The following KAT6B variants were observed in gnomAD, a reference collection of about 807,000 sequenced individuals.
KAT6B encodes the protein lysine acetyltransferase 6B.
KAT6B carries 10 observed loss-of-function variants against 187.5 expected under a neutral mutation model. The ratio of observed to expected loss-of-function variants is 0.05; its 90% confidence interval spans 0.03 to 0.09. The LOEUF (loss-of-function observed/expected upper bound fraction) is 0.09. Ranked by LOEUF, KAT6B falls within the 10% of genes least tolerant of loss-of-function variation. The pLI is 1.00. For synonymous variants in KAT6B, 861 were observed against 926.8 expected, an observed-to-expected ratio of 0.93 and a Z score of 1.29; for missense variants, 1,952 against 2,558.9, an observed-to-expected ratio of 0.76 and a Z score of 5.12.
intron 3 of KAT6B, among the ~76,000 whole-genome samples, chr10:74,890,040 AT>A (rs36105581): frequency 0.092 from 13,282 of 143,732 alleles, 747 homozygotes; most frequent in South Asian, 0.28. Flanking sequence ...TGGACATGTA[AT>A]TTTTTTTTTT....
chr10:74,917,454 A>G (rs963127048), intron 3 of KAT6B, among the ~76,000 whole-genome samples: 4 of 152,192 alleles, frequency 2.6e-5, no homozygotes, highest in African/African-American at 7.2e-5. Context: ...TATTTCCTGC[A>G]ATCTATTAAA....
chr10:74,933,470 A>C (rs757553251), intron 3 of KAT6B, among the ~76,000 whole-genome samples: 2 of 152,222 alleles, frequency 1.3e-5, no homozygotes, highest in African/African-American at 4.8e-5. Context: ...ATAGATGTTC[A>C]GTATTGATTA....
In KAT6B at chr10:75,004,914, T is replaced by C. The variant is rs559417879; in HGVS notation, c.2630-15668T>C. 1.2e-3 allele frequency among the ~76,000 whole-genome samples: 186 copies of C among 152,096 alleles called. No individual in the cohort carries two copies. The South Asian group carries it at 0.016, about 13-fold the overall frequency. On this transcript the variant is annotated intron_variant, in intron 13 of 17. Transcript: ENST00000287239. ...GGGTCAGCTAGAGACAGGCTCTTGC[T>C]TTGTTGCCCAGGCTGGTTTCCAACT...
intron 13 of KAT6B, among the ~76,000 whole-genome samples, chr10:75,016,392 G>C (rs1281994293): frequency 6.6e-6 from 1 of 152,238 alleles, no homozygotes; most frequent in Non-Finnish European, 1.5e-5. Context: ...CCTTTAAGCA[G>C]ACATCTTGAC....
intron 3 of KAT6B, among the ~76,000 whole-genome samples, chr10:74,954,581 G>A (rs1840542277): frequency 6.6e-6 from 1 of 152,092 alleles, no homozygotes; most frequent in African/African-American, 2.4e-5. Flanking sequence ...CCACAAGAAC[G>A]AATCTAACCC....
At chr10:74,990,124 G>A (rs1843035133) in intron 13 of KAT6B, among the ~76,000 whole-genome samples, 1 of 148,476 alleles carries the variant, frequency 6.7e-6, no homozygotes, top group Non-Finnish European at 1.5e-5. Context: ...GAACCCGGGA[G>A]GTGGAGGTTG....
intron 3 of KAT6B, among the ~76,000 whole-genome samples, chr10:74,941,950 G>T (rs1460460095): frequency 6.6e-6 from 1 of 152,028 alleles, no homozygotes; most frequent in Admixed American, 6.6e-5. Flanking sequence ...AAGAGTTCAA[G>T]ACCAGCCTGG....
intron 3 of KAT6B, among the ~76,000 whole-genome samples, chr10:74,917,694 C>T (rs574834922): frequency 1.4e-4 from 22 of 152,328 alleles, no homozygotes; most frequent in Middle Eastern, 3.4e-3. Context: ...GAGTTGCTGA[C>T]TCACTGAATA....
intron 3 of KAT6B, among the ~76,000 whole-genome samples, chr10:74,879,291 C>CT (rs1844676363): frequency 6.6e-6 from 1 of 152,148 alleles, no homozygotes; most frequent in South Asian, 2.1e-4. Context: ...GGTTGTAGGA[C>CT]TTTGAGTGCT....
intron 3 of KAT6B, among the ~76,000 whole-genome samples, chr10:74,933,012 A>G (rs575074204): frequency 6.6e-6 from 1 of 152,342 alleles, no homozygotes; most frequent in Non-Finnish European, 1.5e-5. Flanking sequence ...CTTTCTGCAT[A>G]CACACCATTT....
intron 3 of KAT6B, among the ~76,000 whole-genome samples, chr10:74,915,348 C>G (rs1417451207): frequency 6.6e-6 from 1 of 152,122 alleles, no homozygotes; most frequent in Non-Finnish European, 1.5e-5. Flanking sequence ...ATGCCATGTT[C>G]CATGCACTTG....
intron 15 of KAT6B, 151 bp downstream of exon 15, chr10:75,021,436 C>T (rs1272995756): frequency 2.9e-6 from 2 of 698,628 alleles, no homozygotes; most frequent in African/African-American, 3.6e-5. Context: ...ACTGAGGTTG[C>T]ATGGTAAGAC....
At chr10:74,940,023 T>TTG (rs143636269) in intron 3 of KAT6B, among the ~76,000 whole-genome samples, 1,600 of 151,910 alleles carry the variant, frequency 0.011, 29 homozygotes, top group African/African-American at 0.037. Context: ...AAGGTGTTAT[T>TTG]TGTGTGTGTG....
intron 3 of KAT6B, among the ~76,000 whole-genome samples, chr10:74,924,419 T>G (rs1447585963): frequency 6.6e-6 from 1 of 152,202 alleles, no homozygotes; most frequent in East Asian, 1.9e-4. Flanking sequence ...ACTAATTGGG[T>G]TAGAGGTTAA....
At chr10:74,926,674 C>T (rs1436044120) in intron 3 of KAT6B, among the ~76,000 whole-genome samples, 1 of 152,192 alleles carries the variant, frequency 6.6e-6, no homozygotes, top group Non-Finnish European at 1.5e-5. Context: ...ACCTTGTTCC[C>T]TCCATGTAAT....
intron 7 of KAT6B, 59 bp downstream of exon 7, chr10:74,972,698 T>C (rs1000942329): frequency 3.4e-6 from 5 of 1,468,430 alleles, no homozygotes; most frequent in Admixed American, 3.4e-5. Flanking sequence ...TATAGGTGAT[T>C]GTTATTCTCT....
chr10:74,919,226 C>A (rs1847930723), intron 3 of KAT6B, among the ~76,000 whole-genome samples: 1 of 151,878 alleles, frequency 6.6e-6, no homozygotes, highest in African/African-American at 2.4e-5. Context: ...CCATATCTAT[C>A]TATCTATATA....
chr10:75,018,485 TGA>T (rs1353902068), intron 13 of KAT6B, among the ~76,000 whole-genome samples: 1 of 152,254 alleles, frequency 6.6e-6, no homozygotes, highest in Non-Finnish European at 1.5e-5. Context: ...GCTCAGGCCC[TGA>T]CAGGGTGTGT....
intron 3 of KAT6B, among the ~76,000 whole-genome samples, chr10:74,935,741 G>A (rs1849220963): frequency 6.6e-6 from 1 of 152,222 alleles, no homozygotes; most frequent in South Asian, 2.1e-4. Flanking sequence ...TGGCATGAAT[G>A]GCTTGGTCTT....
Sources: allele counts gnomAD v4.1 joint callset (sites outside exome capture counted in the v4.1 genomes callset), GRCh38; gene constraint gnomAD v4.1.1; transcripts MANE v1.5; gene names NCBI Gene and HGNC (gene_info 2026-07-23, HGNC 2026-07-21).